The following CNTLN variants were observed in gnomAD, a reference collection of about 807,000 sequenced individuals.
CNTLN encodes the protein centlein, also known as centlein, centrosomal protein.
A neutral mutation model predicts 180.0 loss-of-function variants in CNTLN; 212 were observed. The observed-to-expected ratio is 1.18, with a 90% confidence interval of 1.05 to 1.32. The LOEUF is 1.32. Ranked by LOEUF, CNTLN falls within the 40% of genes most tolerant of loss-of-function variation. CNTLN has a pLI of 0.00. For missense variants in CNTLN, 2,095 were observed against 1,610.9 expected (o/e 1.30, Z -5.14); for synonymous variants, 722 against 563.1 (o/e 1.28, Z -3.99).
rs1828214443 is a variant in CNTLN, at chr9:17,416,048, G to A, written c.2973G>A (p.Leu991=). 6.2e-7 allele frequency: 1 copy of A among 1,613,482 alleles called. No individual in the cohort carries two copies. Among genetic ancestry groups the A allele is most frequent in the East Asian group, 2.2e-5 (1 of 44,766 alleles). Residue 991 remains leucine (L), a synonymous_variant, in exon 18 of 26, where the codon TTG becomes TTA. Transcript: ENST00000380647. ...TATTACGAGAACGGATTATATCCTT[G>A]CAACAACAAAACAGTGTACTTCAGA... ...IILLRERIIS[L]QQQNSVLQNA...
chr9:17,141,272 A>G (rs1818070395), intron 1 of CNTLN, among the ~76,000 whole-genome samples: 1 of 152,202 alleles, frequency 6.6e-6, no homozygotes, highest in South Asian at 2.1e-4. Flanking sequence ...AGGATTATTA[A>G]ATGAAATGTG....
chr9:17,357,288 T>C (rs967271583), intron 12 of CNTLN, among the ~76,000 whole-genome samples: 2 of 151,982 alleles, frequency 1.3e-5, no homozygotes, highest in African/African-American at 4.8e-5. Context: ...GTTCCAGCTT[T>C]TATATTTTTT....
At chr9:17,308,485 AATGTAGAATTCAAC>A (rs1818894507) in intron 7 of CNTLN, among the ~76,000 whole-genome samples, 1 of 152,112 alleles carries the variant, frequency 6.6e-6, no homozygotes, top group African/African-American at 2.4e-5. Flanking sequence ...ACTTAATAAG[AATGTAGAATTCAAC>A]ATTAATTAAC....
In CNTLN at chr9:17,340,938, G is replaced by T; in HGVS notation, c.1756G>T (p.Gly586Cys). ...AGAGCAATTAAAACAGTGGGAAGAA[G>T]GCAGTGGCATGTGAGTTACATAGCT... Reference protein sequence around the residue: ...VKEQLKQWEEGSGMTEIRKIK... With the variant: ...VKEQLKQWEECSGMTEIRKIK... The change falls in exon 11 of 26, where the codon GGC becomes TGC. Residue 586 changes from glycine (G) to cysteine (C), a missense_variant. Gly to Cys is a radical substitution (Grantham distance 159, BLOSUM62 -3). Coordinates refer to ENST00000380647, the MANE Select transcript of CNTLN (RefSeq NM_017738.4). The T allele has an allele frequency of 6.2e-7, 1 of 1,608,828 alleles. No homozygotes were observed. The highest frequency in any genetic ancestry group is 8.5e-7 in the Non-Finnish European group (1 of 1,177,490).
At position 17,317,078 on chromosome 9, in the gene CNTLN, G is replaced by A. The variant is rs143290779; in HGVS notation, c.1341+7826G>A. On this transcript the variant is annotated intron_variant, in intron 8 of 25. Coordinates refer to ENST00000380647, the MANE Select transcript of CNTLN (RefSeq NM_017738.4). The stretch of plus-strand genomic sequence containing the variant: ...CTTAATGTTGAGAAGATATCATGTC[G>A]TTATCATTGGGTTTGCATAATTTTT... 2.6e-3 allele frequency among the ~76,000 whole-genome samples: 397 copies of A among 151,750 alleles called. 5 individuals carry two copies. The highest frequency in any genetic ancestry group is 0.011 in the Admixed American group (171 of 15,272).
chr9:17,241,649 A>T (rs528845016), intron 5 of CNTLN, among the ~76,000 whole-genome samples: 1 of 152,210 alleles, frequency 6.6e-6, no homozygotes, highest in African/African-American at 2.4e-5. Flanking sequence ...GGCAGTATGG[A>T]CATCTTAACA....
chr9:17,404,280 G>T (rs143105812), intron 15 of CNTLN, among the ~76,000 whole-genome samples: 1,818 of 151,836 alleles, frequency 0.012, 82 homozygotes, highest in African/African-American at 0.042. Context: ...TTATCTCCAA[G>T]AATGCATAGG....
intron 2 of CNTLN, among the ~76,000 whole-genome samples, chr9:17,212,248 A>T (rs2131974711): frequency 6.6e-6 from 1 of 152,298 alleles, no homozygotes; most frequent in Non-Finnish European, 1.5e-5. Context: ...TAATTTATTG[A>T]GAGTTTTTAG....
chr9:17,334,420 TACACACACACACACAC>T (rs56376464), intron 10 of CNTLN, among the ~76,000 whole-genome samples: 1 of 149,720 alleles, frequency 6.7e-6, no homozygotes, highest in African/African-American at 2.5e-5. Context: ...GCCAATAGAA[TACACACACACACACAC>T]ACACACACAC....
chr9:17,247,994 C>T (rs1447055941), intron 5 of CNTLN, among the ~76,000 whole-genome samples: 1 of 151,904 alleles, frequency 6.6e-6, no homozygotes, highest in African/African-American at 2.4e-5. Context: ...TCAAGCCTTG[C>T]TAATTATTTG....
chr9:17,379,343 C>CT (rs977334477), intron 13 of CNTLN, among the ~76,000 whole-genome samples: 3 of 151,982 alleles, frequency 2.0e-5, no homozygotes, highest in African/African-American at 7.3e-5. Flanking sequence ...GTTCTCAGGT[C>CT]TGTACATCTT....
chr9:17,262,494 T>C lies in CNTLN; in HGVS notation c.850-11239T>C, dbSNP rs1195098781. Among the ~76,000 whole-genome samples the C allele has an allele frequency of 1.3e-5, 2 of 151,458 alleles. 1 individual carries two copies. Among genetic ancestry groups the C allele is most frequent in the African/African-American group, 4.9e-5 (2 of 40,786 alleles). ...ACAGGAACAGAAAACCAGCACTGCA[T>C]GTTCTCACTCATAAGTGGGAGTTGA... On this transcript the variant is annotated intron_variant, in intron 5 of 25. Coordinates refer to ENST00000380647, the MANE Select transcript of CNTLN (RefSeq NM_017738.4).
Position 17,463,016 on chromosome 9 carries a change from A to G in CNTLN, c.3404+3A>G, listed in dbSNP as rs752412830. ...CACATAAAGGAAATGCATGAAAAGTATGGTTTTTGTATTTCTATCCATTGT... is the reference window on the plus strand; with the variant it reads ...CACATAAAGGAAATGCATGAAAAGTGTGGTTTTTGTATTTCTATCCATTGT... On this transcript the variant is annotated splice_donor_region_variant and intron_variant, in intron 20 of 25. Transcript: ENST00000380647. 4 of 1,552,140 alleles carry G rather than the reference A, an allele frequency of 2.6e-6. No homozygotes were observed. The highest frequency in any genetic ancestry group is 3.5e-6 in the Non-Finnish European group (4 of 1,144,160).
At chr9:17,481,305 A>G (rs114972440) in intron 23 of CNTLN, among the ~76,000 whole-genome samples, 4,268 of 152,302 alleles carry the variant, frequency 0.028, 192 homozygotes, top group African/African-American at 0.097. Context: ...CATGGAGTGC[A>G]GCCTTTAGCC....
chr9:17,394,089 C>T (rs1826308989), intron 14 of CNTLN, among the ~76,000 whole-genome samples: 1 of 152,048 alleles, frequency 6.6e-6, no homozygotes, highest in South Asian at 2.1e-4. Context: ...AGAAAAAAAG[C>T]AGCCTCAGTA....
chr9:17,333,254 A>G (rs12005790), intron 10 of CNTLN, among the ~76,000 whole-genome samples: 2,770 of 152,220 alleles, frequency 0.018, 84 homozygotes, highest in African/African-American at 0.063. Flanking sequence ...AGAAACATGT[A>G]TGTTATCGAC....
intron 7 of CNTLN, among the ~76,000 whole-genome samples, chr9:17,306,461 T>C (rs1429927951): frequency 6.6e-6 from 1 of 152,322 alleles, no homozygotes; most frequent in East Asian, 1.9e-4. Flanking sequence ...TGCTCTATTT[T>C]ATGAAGCAAG....
At chr9:17,465,897 C>A in intron 21 of CNTLN, 84 bp from the exon 22 acceptor site, 1 of 998,692 alleles carries the variant, frequency 1.0e-6, no homozygotes, top group Non-Finnish European at 1.5e-6. Context: ...GACTCATTCA[C>A]TCATTTAGTT....
At chr9:17,467,979 TGGAAGC>T (rs985105169) in intron 23 of CNTLN, among the ~76,000 whole-genome samples, 86 of 151,832 alleles carry the variant, frequency 5.7e-4, no homozygotes, top group Non-Finnish European at 1.0e-3. Flanking sequence ...AGCAAAGATA[TGGAAGC>T]AACCTAAATG....
Sources: allele counts gnomAD v4.1 joint callset (sites outside exome capture counted in the v4.1 genomes callset), GRCh38; gene constraint gnomAD v4.1.1; transcripts MANE v1.5; gene names NCBI Gene and HGNC (gene_info 2026-07-23, HGNC 2026-07-21).